PARN: variants seen among roughly 807,000 people sequenced by gnomAD.
The protein encoded by PARN is poly(A)-specific ribonuclease PARN.
Under a neutral mutation model 102.8 loss-of-function variants are expected in PARN, and 71 were observed. That is an observed-to-expected ratio of 0.69 (90% CI 0.57 to 0.84). The LOEUF (loss-of-function observed/expected upper bound fraction) is 0.84. PARN is among the 40% of genes least tolerant of loss of function. The probability of loss-of-function intolerance (pLI) is 0.00; values close to 1 mark genes in which losing one functional copy is unlikely to be tolerated. For missense variants in PARN, 782 were observed against 760.9 expected (o/e 1.03, Z -0.33); for synonymous variants, 261 against 252.9 (o/e 1.03, Z -0.30).
chr16:14,540,469 T>C (rs912819657), intron 21 of PARN, among the ~76,000 whole-genome samples: 6 of 152,166 alleles, frequency 3.9e-5, no homozygotes, highest in Non-Finnish European at 7.3e-5. Flanking sequence ...TATCAATATA[T>C]TGTATTTCAG....
At chr16:14,516,836 G>C (rs1024885459) in intron 21 of PARN, among the ~76,000 whole-genome samples, 2 of 152,318 alleles carry the variant, frequency 1.3e-5, no homozygotes, top group Non-Finnish European at 1.5e-5. Flanking sequence ...CGTTAGCATA[G>C]AGTATACAAT....
At chr16:14,618,979 T>C (rs901263475) in intron 5 of PARN, among the ~76,000 whole-genome samples, 79 of 151,710 alleles carry the variant, frequency 5.2e-4, no homozygotes, top group African/African-American at 1.9e-3. Flanking sequence ...GAAGATCGCT[T>C]GAGCCCAGGA....
chr16:14,603,294 C>T (rs980035785), intron 11 of PARN, among the ~76,000 whole-genome samples: 5 of 152,098 alleles, frequency 3.3e-5, no homozygotes, highest in African/African-American at 1.2e-4. Flanking sequence ...ACAGGCAGCA[C>T]CTCTTGCTAA....
chr16:14,468,143 A>G (rs545161759), intron 22 of PARN, among the ~76,000 whole-genome samples: 78 of 152,206 alleles, frequency 5.1e-4, no homozygotes, highest in Non-Finnish European at 9.8e-4. Context: ...CTTAGGAGGG[A>G]GCAGGCATTT....
intron 21 of PARN, among the ~76,000 whole-genome samples, chr16:14,510,725 T>C (rs1224443814): frequency 6.6e-6 from 1 of 152,232 alleles, no homozygotes; most frequent in East Asian, 1.9e-4. Context: ...AGTCCTCGGC[T>C]GCCAACAGCA....
intron 22 of PARN, 82 bp downstream of exon 22, chr16:14,482,556 G>A: frequency 1.8e-6 from 2 of 1,082,762 alleles, no homozygotes; most frequent in South Asian, 1.6e-5. Flanking sequence ...GTCAGATTTA[G>A]TACTTACAAA....
intron 21 of PARN, among the ~76,000 whole-genome samples, chr16:14,549,242 A>G (rs1436653408): frequency 6.6e-6 from 1 of 152,252 alleles, no homozygotes; most frequent in African/African-American, 2.4e-5. Context: ...GCAAAGCTGC[A>G]TATATCAAGA....
At chr16:14,510,149 G>T (rs1018889598) in intron 21 of PARN, among the ~76,000 whole-genome samples, 1 of 152,190 alleles carries the variant, frequency 6.6e-6, no homozygotes, top group African/African-American at 2.4e-5. Context: ...TGCAGCCCGA[G>T]ACTCTCCTCA....
rs533889643 is a variant in PARN, at chr16:14,442,151, AG to A, written c.1864+4736del. Among the ~76,000 whole-genome samples, 9 of 152,334 alleles carry A rather than the reference AG, an allele frequency of 5.9e-5. No individual in the cohort carries two copies. In the South Asian group the frequency reaches 1.9e-3, roughly 32 times the overall value. On this transcript the variant is annotated intron_variant, in intron 23 of 23. Transcript: ENST00000437198. ...AACCTGCTGCTAGGGACCAGCCAGC[AG>A]TATTTTCACAATGGTCAGCCCAGGC... is the stretch of plus-strand genomic sequence containing the variant.
At chr16:14,534,811 T>A (rs113710538) in intron 21 of PARN, among the ~76,000 whole-genome samples, 4 of 151,842 alleles carry the variant, frequency 2.6e-5, no homozygotes, top group South Asian at 4.1e-4. Flanking sequence ...CTGGACTGCA[T>A]AATGTAAAGT....
intron 22 of PARN, among the ~76,000 whole-genome samples, chr16:14,461,735 C>A: frequency 6.6e-6 from 1 of 152,178 alleles, no homozygotes; most frequent in East Asian, 1.9e-4. Context: ...ATTTCACTTC[C>A]AACATTATCA....
chr16:14,503,041 C>T lies in PARN; in HGVS notation c.1481-20214G>A, dbSNP rs569950832. Reference sequence around the variant, plus strand: ...AGAATGGTTTAAATAAAACATAAGACGGTAGAGATATTTCACCTTCTGCCC... The same window carrying T: ...AGAATGGTTTAAATAAAACATAAGATGGTAGAGATATTTCACCTTCTGCCC... On this transcript the variant is annotated intron_variant, in intron 21 of 23. Transcript: ENST00000437198. Among the ~76,000 whole-genome samples the T allele has an allele frequency of 2.1e-4, 32 of 152,198 alleles. No homozygotes were observed. The East Asian group carries it at 4.6e-3, about 22-fold the overall frequency.
intron 21 of PARN, among the ~76,000 whole-genome samples, chr16:14,528,445 G>A (rs1013263092): frequency 1.1e-4 from 16 of 152,216 alleles, no homozygotes; most frequent in Non-Finnish European, 2.2e-4. Context: ...AGACCTGCAA[G>A]TCACTTAGGG....
intron 21 of PARN, among the ~76,000 whole-genome samples, chr16:14,520,598 C>T (rs1001339427): frequency 6.6e-6 from 1 of 151,806 alleles, no homozygotes; most frequent in Non-Finnish European, 1.5e-5. Flanking sequence ...ACTAGGGAGG[C>T]TGAGGCAGGA....
chr16:14,515,473 C>G (rs1368374518), intron 21 of PARN, among the ~76,000 whole-genome samples: 1 of 152,070 alleles, frequency 6.6e-6, no homozygotes, highest in Non-Finnish European at 1.5e-5. Context: ...AGGAAAACAG[C>G]CACTAGAGGT....
At chr16:14,531,540 A>G (rs189190425) in intron 21 of PARN, among the ~76,000 whole-genome samples, 3 of 152,328 alleles carry the variant, frequency 2.0e-5, no homozygotes, top group Non-Finnish European at 2.9e-5. Context: ...GTTCCCAGAT[A>G]AATTCAATTT....
chr16:14,459,932 A>G lies in PARN; in HGVS notation c.1671-12851T>C, dbSNP rs139442599. Among the ~76,000 whole-genome samples, 1,491 of 152,330 alleles carry G rather than the reference A, an allele frequency of 9.8e-3. 29 individuals are homozygous for G. The highest frequency in any genetic ancestry group is 0.034 in the African/African-American group (1,395 of 41,572). On this transcript the variant is annotated intron_variant, in intron 22 of 23. Transcript: ENST00000437198. ...ATAGTGCTGGAATAATTGCATATCT[A>G]TATGCAAAAAATAAACTCATACCCA... is the stretch of plus-strand genomic sequence containing the variant.
chr16:14,612,158 G>A (rs1971553520), intron 6 of PARN, among the ~76,000 whole-genome samples: 1 of 152,160 alleles, frequency 6.6e-6, no homozygotes, highest in Non-Finnish European at 1.5e-5. Context: ...ACACCTTGCG[G>A]CCGGGCATGG....
intron 11 of PARN, 48 bp downstream of exon 11, chr16:14,604,098 T>C: frequency 9.6e-7 from 1 of 1,046,074 alleles, no homozygotes; most frequent in Non-Finnish European, 1.5e-6. Flanking sequence ...TAAATCAATA[T>C]TTATGTTGCC....
Sources: allele counts gnomAD v4.1 joint callset (sites outside exome capture counted in the v4.1 genomes callset), GRCh38; gene constraint gnomAD v4.1.1; transcripts MANE v1.5; gene names NCBI Gene and HGNC (gene_info 2026-07-23, HGNC 2026-07-21).